Variants in ATG10 observed in about 807,000 individuals in gnomAD.
The protein encoded by ATG10 is ubiquitin-like-conjugating enzyme ATG10.
ATG10 carries 30 observed loss-of-function variants against 32.1 expected under a neutral mutation model. The ratio of observed to expected loss-of-function variants is 0.94; its 90% CI spans 0.70 to 1.27. ATG10 has a LOEUF of 1.27. Ranked by LOEUF, ATG10 falls within the 50% of genes most tolerant of loss-of-function variation. ATG10 has a pLI of 0.00. For missense variants in ATG10, 233 were observed against 262.3 expected, an observed-to-expected ratio of 0.89 and a Z score of 0.77; for synonymous variants, 87 against 91.5, an observed-to-expected ratio of 0.95 and a Z score of 0.28.
intron 2 of ATG10, among the ~76,000 whole-genome samples, chr5:81,998,610 C>T (rs1761737299): frequency 6.6e-6 from 1 of 152,122 alleles, no homozygotes; most frequent in Non-Finnish European, 1.5e-5. Flanking sequence ...GGTAAAGAAG[C>T]AAGACCCAAC....
chr5:82,040,556 T>A (rs969050170), intron 2 of ATG10, among the ~76,000 whole-genome samples: 1 of 152,200 alleles, frequency 6.6e-6, no homozygotes, highest in African/African-American at 2.4e-5. Context: ...TACACATTAT[T>A]TGTGAAAAAC....
At chr5:82,212,352 AAG>A (rs776460833) in intron 5 of ATG10, among the ~76,000 whole-genome samples, 3 of 152,148 alleles carry the variant, frequency 2.0e-5, no homozygotes, top group Non-Finnish European at 4.4e-5. Context: ...ATGACTCCTG[AAG>A]CAACACCCTT....
At chr5:82,023,034 A>G (rs1021617375) in intron 2 of ATG10, among the ~76,000 whole-genome samples, 1 of 150,456 alleles carries the variant, frequency 6.6e-6, no homozygotes, top group Non-Finnish European at 1.5e-5. Context: ...GTATGTATAT[A>G]TATTTATTTT....
At chr5:82,200,028 T>C (rs908127120) in intron 5 of ATG10, among the ~76,000 whole-genome samples, 4 of 152,202 alleles carry the variant, frequency 2.6e-5, no homozygotes, top group African/African-American at 7.2e-5. Flanking sequence ...TGGTTTATCC[T>C]TTTACCAGTT....
intron 5 of ATG10, among the ~76,000 whole-genome samples, chr5:82,184,270 T>C (rs1744361156): frequency 6.6e-6 from 1 of 152,224 alleles, no homozygotes; most frequent in Non-Finnish European, 1.5e-5. Flanking sequence ...ATGGGAAGAC[T>C]AAATGAATCA....
intron 3 of ATG10, among the ~76,000 whole-genome samples, chr5:82,105,422 A>C (rs1765417887): frequency 6.6e-6 from 1 of 152,170 alleles, no homozygotes; most frequent in African/African-American, 2.4e-5. Flanking sequence ...GGAATGAATC[A>C]TTGTTTGATG....
At chr5:81,990,945 A>G (rs1231134380) in intron 2 of ATG10, among the ~76,000 whole-genome samples, 13 of 152,232 alleles carry the variant, frequency 8.5e-5, no homozygotes, top group Admixed American at 7.9e-4. Context: ...TATTTTTCCA[A>G]CAGTGAGGAC....
At chr5:81,998,058 C>T (rs113777526) in intron 2 of ATG10, among the ~76,000 whole-genome samples, 4 of 152,210 alleles carry the variant, frequency 2.6e-5, no homozygotes, top group African/African-American at 9.6e-5. Flanking sequence ...AAATACTACA[C>T]AAGAACACCA....
intron 5 of ATG10, among the ~76,000 whole-genome samples, chr5:82,248,272 C>A (rs910605461): frequency 2.0e-5 from 3 of 152,192 alleles, no homozygotes; most frequent in African/African-American, 4.8e-5. Context: ...CTCTGGCTAG[C>A]AGAGCTGCAG....
intron 2 of ATG10, among the ~76,000 whole-genome samples, chr5:82,035,605 C>A (rs1450253543): frequency 6.6e-6 from 1 of 151,620 alleles, no homozygotes; most frequent in Non-Finnish European, 1.5e-5. Flanking sequence ...TTTGCATTTT[C>A]CTTATTAATA....
chr5:82,008,820 TA>T (rs1379409945), intron 2 of ATG10, among the ~76,000 whole-genome samples: 20 of 152,248 alleles, frequency 1.3e-4, no homozygotes, highest in Non-Finnish European at 2.8e-4. Flanking sequence ...TGTCTATATC[TA>T]ATCTGACTTA....
rs570492689 is a variant in ATG10 at position 82,178,216 on chromosome 5, C to T, written c.356-274C>T. On this transcript the variant is annotated intron_variant, in intron 4 of 7. Coordinates refer to ENST00000282185, the MANE Select transcript of ATG10 (RefSeq NM_031482.5). ...GCATCTGTCAGTTCTCTCTAAAACA[C>T]ATTTGGATTTTATTTATTTTGTAAA... 2.0e-5 allele frequency among the ~76,000 whole-genome samples: 3 copies of T among 152,186 alleles called. No homozygotes were observed. In the South Asian group the frequency reaches 6.2e-4, roughly 32 times the overall value.
chr5:82,235,645 G>C (rs1052169408), intron 5 of ATG10, among the ~76,000 whole-genome samples: 5 of 152,176 alleles, frequency 3.3e-5, no homozygotes, highest in Non-Finnish European at 1.5e-5. Flanking sequence ...ACTTGCAGGG[G>C]TTTGACTAGA....
intron 3 of ATG10, among the ~76,000 whole-genome samples, chr5:82,099,789 A>G (rs1765197150): frequency 6.6e-6 from 1 of 152,084 alleles, no homozygotes. Flanking sequence ...GGCCTAAGCT[A>G]AAAGACATTC....
intron 3 of ATG10, among the ~76,000 whole-genome samples, chr5:82,125,622 C>T (rs1043040561): frequency 6.6e-6 from 1 of 152,216 alleles, no homozygotes; most frequent in Non-Finnish European, 1.5e-5. Context: ...TGTTCTGTTC[C>T]ATTGGTCTAT....
chr5:81,978,032 G>A (rs577681662), intron 1 of ATG10, among the ~76,000 whole-genome samples: 3 of 152,212 alleles, frequency 2.0e-5, no homozygotes, highest in Admixed American at 6.5e-5. Context: ...TCTGTAATCT[G>A]TATTCAGACT....
intron 5 of ATG10, among the ~76,000 whole-genome samples, chr5:82,209,072 G>T (rs1413009177): frequency 6.6e-6 from 1 of 151,510 alleles, no homozygotes; most frequent in Admixed American, 6.6e-5. Context: ...TTTATGTTTT[G>T]CTGATGTTAT....
At chr5:81,981,762 C>T (rs1278656532) in intron 1 of ATG10, among the ~76,000 whole-genome samples, 5 of 152,108 alleles carry the variant, frequency 3.3e-5, no homozygotes, top group African/African-American at 7.2e-5. Context: ...ATCAAATCAA[C>T]GTCTCCAACT....
intron 5 of ATG10, among the ~76,000 whole-genome samples, chr5:82,228,915 A>G (rs1746240654): frequency 6.6e-6 from 1 of 152,208 alleles, no homozygotes; most frequent in African/African-American, 2.4e-5. Flanking sequence ...TATAAGAACA[A>G]TACCTTCCTT....
Sources: gnomAD v4.1 joint callset for allele counts (sites outside exome capture counted in the v4.1 genomes callset) on GRCh38, gnomAD v4.1.1 for gene constraint, MANE v1.5 for transcripts, NCBI Gene and HGNC (gene_info 2026-07-23, HGNC 2026-07-21) for gene names.